The following IL19 variants were observed in gnomAD, a reference collection of about 807,000 sequenced individuals.
IL19 encodes the protein interleukin-19.
In IL19, 15 loss-of-function variants were observed where a neutral mutation model predicts 19.5. That is an observed-to-expected ratio of 0.77 (90% CI 0.52 to 1.19). IL19 has a LOEUF of 1.19. Among genes scored for constraint, IL19 ranks in the 50% most tolerant of loss-of-function variants. IL19 has a pLI of 0.00. For synonymous variants in IL19, 78 were observed against 78.3 expected (o/e 1.00, Z 0.02); for missense variants, 199 against 213.1 (o/e 0.93, Z 0.41).
Position 206,842,792 on chromosome 1 carries a change from C to A in IL19, c.*170C>A, listed in dbSNP as rs1677063105. ...CGCTTGAAAATAGCCAAAAAGTCTACTGTGGTATTTGTAATAAACTCTATC... is the reference window on the plus strand; with the variant it reads ...CGCTTGAAAATAGCCAAAAAGTCTAATGTGGTATTTGTAATAAACTCTATC... On this transcript the variant is annotated 3_prime_UTR_variant, in exon 7 of 7. Transcript: ENST00000659997. 1 of 551,328 alleles carries A rather than the reference C, an allele frequency of 1.8e-6. No individual in the cohort carries two copies. Among genetic ancestry groups the A allele is most frequent in the Non-Finnish European group, 3.2e-6 (1 of 308,504 alleles). 34.2% of individuals were successfully genotyped at this position (551,328 alleles called of 1,614,324 possible).
intron 1 of IL19, among the ~76,000 whole-genome samples, chr1:206,783,516 A>T (rs574158389): frequency 6.6e-6 from 1 of 152,252 alleles, no homozygotes; most frequent in African/African-American, 2.4e-5. Flanking sequence ...GTTGGATATA[A>T]ATTGGTATCA....
rs1674878129 is a variant in IL19 at position 206,772,390 on chromosome 1, C to A, written c.-149+1312C>A. On this transcript the variant is annotated intron_variant, in intron 1 of 6. Coordinates refer to ENST00000659997, the MANE Select transcript of IL19 (RefSeq NM_153758.5). ...GTGCCCTGGCCTGGGCTGGCCCTCACCCCAGTCAGGAGGACCAGGCAACAG... is the reference window on the plus strand; with the variant it reads ...GTGCCCTGGCCTGGGCTGGCCCTCAACCCAGTCAGGAGGACCAGGCAACAG... 28 of 1,614,102 alleles carry A rather than the reference C, an allele frequency of 1.7e-5. No individual in the cohort carries two copies. The highest frequency in any genetic ancestry group is 2.3e-5 in the Non-Finnish European group (27 of 1,179,940).
intron 2 of IL19, among the ~76,000 whole-genome samples, chr1:206,818,434 CAAAA>C (rs1253350282): frequency 2.0e-5 from 3 of 152,120 alleles, no homozygotes; most frequent in South Asian, 4.1e-4. Context: ...TGAAACCAGA[CAAAA>C]AAGACTACAT....
At chr1:206,790,148 C>T (rs1362093993) in intron 1 of IL19, among the ~76,000 whole-genome samples, 1 of 152,168 alleles carries the variant, frequency 6.6e-6, no homozygotes, top group Non-Finnish European at 1.5e-5. Flanking sequence ...ATATACATTC[C>T]TACCAGCAGT....
At chr1:206,800,270 A>T (rs1399330982) in intron 2 of IL19, among the ~76,000 whole-genome samples, 7 of 152,248 alleles carry the variant, frequency 4.6e-5, no homozygotes, top group Admixed American at 1.3e-4. Context: ...CGTTTCCTCT[A>T]AACTAGGCTT....
intron 1 of IL19, among the ~76,000 whole-genome samples, chr1:206,792,655 C>T (rs1320064489): frequency 1.3e-5 from 2 of 152,126 alleles, no homozygotes; most frequent in Non-Finnish European, 2.9e-5. Flanking sequence ...CAGGGTTTCA[C>T]CATGTTGGCC....
intron 2 of IL19, among the ~76,000 whole-genome samples, chr1:206,829,314 A>G (rs1676526314): frequency 6.6e-6 from 1 of 152,216 alleles, no homozygotes; most frequent in Non-Finnish European, 1.5e-5. Flanking sequence ...TCTTGTATCC[A>G]GCGGGAATAT....
At position 206,779,113 on chromosome 1, in the gene IL19, G is replaced by A. The variant is rs980222239; in HGVS notation, c.-149+8035G>A. The stretch of plus-strand genomic sequence containing the variant: ...TGCTGCACCACAAATCTAAGCCCAG[G>A]GCATAAAATCCCTCGTGGCTTGGAT... On this transcript the variant is annotated intron_variant, in intron 1 of 6. Coordinates refer to ENST00000659997, the MANE Select transcript of IL19 (RefSeq NM_153758.5). Among the ~76,000 whole-genome samples, 16 of 152,254 alleles carry A rather than the reference G, an allele frequency of 1.1e-4. 1 individual carries two copies. In the East Asian group the frequency reaches 3.1e-3, roughly 29 times the overall value.
intron 2 of IL19, among the ~76,000 whole-genome samples, chr1:206,802,386 C>T (rs1675735441): frequency 6.6e-6 from 1 of 151,962 alleles, no homozygotes; most frequent in South Asian, 2.1e-4. Context: ...TTCTGCCTTC[C>T]ATGTACCAAA....
chr1:206,828,502 A>C (rs1676497704), intron 2 of IL19, among the ~76,000 whole-genome samples: 1 of 152,212 alleles, frequency 6.6e-6, no homozygotes, highest in South Asian at 2.1e-4. Context: ...GTGAGATCTA[A>C]GAACCCACTC....
At chr1:206,831,095 G>C (rs971648890) in intron 2 of IL19, among the ~76,000 whole-genome samples, 4 of 152,116 alleles carry the variant, frequency 2.6e-5, no homozygotes, top group Non-Finnish European at 2.9e-5. Flanking sequence ...TGCAATTTTT[G>C]TATGCGCTCA....
intron 2 of IL19, among the ~76,000 whole-genome samples, chr1:206,811,937 T>A (rs530250391): frequency 2.0e-5 from 3 of 152,238 alleles, no homozygotes; most frequent in African/African-American, 7.2e-5. Context: ...TATGGTGTAC[T>A]GCATACAACA....
intron 2 of IL19, among the ~76,000 whole-genome samples, chr1:206,805,920 A>G (rs568118318): frequency 2.6e-5 from 4 of 152,364 alleles, no homozygotes; most frequent in Middle Eastern, 3.4e-3. Flanking sequence ...ATGAAGTCCA[A>G]GGGTTCACTA....
At chr1:206,774,428 A>C (rs555162172) in intron 1 of IL19, among the ~76,000 whole-genome samples, 9 of 152,242 alleles carry the variant, frequency 5.9e-5, no homozygotes, top group Admixed American at 2.0e-4. Context: ...CCCTTCTTGC[A>C]CCTTTCTCCT....
intron 1 of IL19, among the ~76,000 whole-genome samples, chr1:206,798,029 C>A (rs1027249345): frequency 2.6e-5 from 4 of 152,206 alleles, no homozygotes; most frequent in African/African-American, 4.8e-5. Context: ...GAGCCCAGCA[C>A]CTTCTGTGTT....
intron 1 of IL19, among the ~76,000 whole-genome samples, chr1:206,792,692 T>C (rs1248865829): frequency 1.3e-5 from 2 of 152,160 alleles, no homozygotes; most frequent in Non-Finnish European, 2.9e-5. Context: ...CCTGACCTCA[T>C]GATCCACCCG....
chr1:206,793,600 T>C (rs1391066687), intron 1 of IL19, among the ~76,000 whole-genome samples: 2 of 152,324 alleles, frequency 1.3e-5, no homozygotes, highest in East Asian at 1.9e-4. Flanking sequence ...CAAGGCTGGT[T>C]GGGAGGCTGA....
chr1:206,802,120 G>A (rs1272714238), intron 2 of IL19, among the ~76,000 whole-genome samples: 1 of 152,214 alleles, frequency 6.6e-6, no homozygotes, highest in Non-Finnish European at 1.5e-5. Flanking sequence ...CCAGGCCTTT[G>A]CAGAAACTTG....
At chr1:206,812,642 T>G (rs1404200609) in intron 2 of IL19, among the ~76,000 whole-genome samples, 1 of 152,142 alleles carries the variant, frequency 6.6e-6, no homozygotes, top group African/African-American at 2.4e-5. Flanking sequence ...GCATAACCAC[T>G]GATGATTCAG....
Sources: gnomAD v4.1 joint callset for allele counts (sites outside exome capture counted in the v4.1 genomes callset) on GRCh38, gnomAD v4.1.1 for gene constraint, MANE v1.5 for transcripts, NCBI Gene and HGNC (gene_info 2026-07-23, HGNC 2026-07-21) for gene names.